MEF2A: variants seen among roughly 807,000 people sequenced by gnomAD.
The protein encoded by MEF2A is myocyte enhancer factor 2A, also known as myocyte-specific enhancer factor 2A.
In MEF2A, 28 loss-of-function variants were observed where a neutral mutation model predicts 55.8. That is an observed-to-expected ratio of 0.50 (90% CI 0.37 to 0.69). The LOEUF is 0.69. MEF2A is among the 30% of genes least tolerant of loss of function. The pLI, the probability that MEF2A is intolerant of heterozygous loss-of-function variation, is 0.00. For synonymous variants in MEF2A, 239 were observed against 227.1 expected (o/e 1.05, Z -0.47); for missense variants, 528 against 626.2 (o/e 0.84, Z 1.67).
In MEF2A at chr15:99,712,560, A is replaced by T; in HGVS notation, c.1307A>T (p.Gln436Leu). The change falls in exon 12 of 12, where the codon CAG becomes CTG. Residue 436 changes from glutamine to leucine, a missense_variant. Physicochemically the swap from Gln to Leu is moderately radical, Grantham distance 113. Around this residue, in one of 2 missense-constraint regions of MEF2A, gnomAD observed 450 missense variants for 475.3 expected, o/e 0.95. Transcript: ENST00000557942. This position sits in a 1 kb window ranked among gnomAD's most constrained non-coding sequence, Gnocchi z 4.1. The part of the protein sequence containing the change: ...QQQPPPPPQP[Q>L]PQPPQPQPRQ... ...CAGCCGCCGCCACCACCGCAGCCCCAGCCACAACCCCCGCAGCCCCAGCCC... is the reference window on the plus strand; with the variant it reads ...CAGCCGCCGCCACCACCGCAGCCCCTGCCACAACCCCCGCAGCCCCAGCCC... 1 of 1,548,222 alleles carries T rather than the reference A, an allele frequency of 6.5e-7. No individual in the cohort carries two copies. Among genetic ancestry groups the T allele is most frequent in the Non-Finnish European group, 8.7e-7 (1 of 1,145,312 alleles).
chr15:99,700,185 T>TACACACACACACACACACACAC (rs371094810), intron 8 of MEF2A, among the ~76,000 whole-genome samples: 1 of 100,394 alleles, frequency 1.0e-5, no homozygotes, highest in African/African-American at 3.5e-5. Flanking sequence ...TGTGTGTATA[T>TACACACACACACACACACACAC]ATACACACAC....
chr15:99,599,179 T>A (rs569945881), intron 2 of MEF2A, among the ~76,000 whole-genome samples: 1 of 152,222 alleles, frequency 6.6e-6, no homozygotes, highest in East Asian at 1.9e-4. Flanking sequence ...TTTTCATGAG[T>A]GAAACCTTAC....
intron 8 of MEF2A, among the ~76,000 whole-genome samples, chr15:99,699,195 T>C (rs544409582): frequency 5.0e-4 from 76 of 152,334 alleles, no homozygotes; most frequent in Non-Finnish European, 8.5e-4. Context: ...CTAGCCTAGA[T>C]GTCCTTCAAC....
chr15:99,705,004 C>T (rs1301794157), intron 9 of MEF2A, among the ~76,000 whole-genome samples: 1 of 152,158 alleles, frequency 6.6e-6, no homozygotes, highest in Non-Finnish European at 1.5e-5. Flanking sequence ...TTATTTAAAA[C>T]TTAATCAATT....
intron 2 of MEF2A, among the ~76,000 whole-genome samples, chr15:99,618,000 A>C (rs955151031): frequency 6.6e-6 from 1 of 152,238 alleles, no homozygotes; most frequent in Non-Finnish European, 1.5e-5. Context: ...TTAAAAAAGC[A>C]CAGAAAATCA....
At chr15:99,577,407 A>G (rs369964071) in intron 1 of MEF2A, among the ~76,000 whole-genome samples, 1 of 53,840 alleles carries the variant, frequency 1.9e-5, no homozygotes, top group Non-Finnish European at 6.6e-5. Flanking sequence ...TAGGTGCTGC[A>G]AGGCTTGGCT....
At chr15:99,590,633 T>G (rs1008537202) in intron 1 of MEF2A, among the ~76,000 whole-genome samples, 20 of 151,926 alleles carry the variant, frequency 1.3e-4, no homozygotes, top group African/African-American at 4.8e-4. Flanking sequence ...ATCTACTTTC[T>G]TGGTTGATTA....
intron 5 of MEF2A, among the ~76,000 whole-genome samples, chr15:99,672,746 C>G (rs888863813): frequency 6.6e-6 from 1 of 152,034 alleles, no homozygotes; most frequent in African/African-American, 2.4e-5. Context: ...GGATGGGACC[C>G]AAGTCTAAAC....
chr15:99,623,330 C>T (rs1356105600), intron 2 of MEF2A, among the ~76,000 whole-genome samples: 1 of 152,202 alleles, frequency 6.6e-6, no homozygotes, highest in Non-Finnish European at 1.5e-5. Flanking sequence ...GTTGCTTCCA[C>T]CTTTTGACTA....
intron 4 of MEF2A, among the ~76,000 whole-genome samples, chr15:99,652,687 T>A (rs1325188737): frequency 6.6e-6 from 1 of 152,216 alleles, no homozygotes; most frequent in Non-Finnish European, 1.5e-5. Flanking sequence ...CAGGTTTGGA[T>A]AGCCACTGAA....
intron 2 of MEF2A, among the ~76,000 whole-genome samples, chr15:99,629,160 C>T (rs755502668): frequency 1.3e-5 from 2 of 152,092 alleles, no homozygotes; most frequent in African/African-American, 4.8e-5. Flanking sequence ...GCTGGCTGAA[C>T]GCGGTGGCTC....
At chr15:99,683,862 C>A (rs1245211681) in intron 7 of MEF2A, among the ~76,000 whole-genome samples, 1 of 152,140 alleles carries the variant, frequency 6.6e-6, no homozygotes, top group African/African-American at 2.4e-5. Flanking sequence ...CACTCCCTCC[C>A]AGCCTTCCTC....
Position 99,714,024 on chromosome 15 carries a change from T to C in MEF2A, c.*1253T>C, listed in dbSNP as rs1048045743. On this transcript the variant is annotated 3_prime_UTR_variant, in exon 12 of 12. Transcript: ENST00000557942. ...CTATTTTGTTAAATATACTGTACTTTGGATTTTAATTATTAGCCCAGTTTT... is the reference window on the plus strand; with the variant it reads ...CTATTTTGTTAAATATACTGTACTTCGGATTTTAATTATTAGCCCAGTTTT... 5 of 152,238 alleles carry C rather than the reference T, an allele frequency of 3.3e-5. No individual in the cohort carries two copies. The highest frequency in any genetic ancestry group is 6.5e-5 in the Admixed American group (1 of 15,286). 9.4% of individuals were successfully genotyped at this position (152,238 alleles called of 1,614,324 possible).
chr15:99,681,024 A>G (rs1341188135), intron 7 of MEF2A, among the ~76,000 whole-genome samples: 1 of 152,146 alleles, frequency 6.6e-6, no homozygotes, highest in Non-Finnish European at 1.5e-5. Context: ...ATATTTCTCT[A>G]TGGGGAGTTT....
chr15:99,608,439 A>G (rs1178092524), intron 2 of MEF2A, among the ~76,000 whole-genome samples: 2 of 152,210 alleles, frequency 1.3e-5, no homozygotes, highest in Non-Finnish European at 1.5e-5. Context: ...GCATACAAAA[A>G]TATATAACTT....
intron 2 of MEF2A, among the ~76,000 whole-genome samples, chr15:99,620,065 C>T (rs576562958): frequency 6.0e-4 from 92 of 152,256 alleles, no homozygotes; most frequent in African/African-American, 2.2e-3. Context: ...TTTCGTACCA[C>T]GACAGTGGTG....
At chr15:99,566,716 C>G (rs1447198141) in intron 1 of MEF2A, 1 of 152,320 alleles carries the variant, frequency 6.6e-6, no homozygotes, top group Non-Finnish European at 1.5e-5. Context: ...GAAGTTCCCC[C>G]ACTTCTGCTT....
intron 5 of MEF2A, 104 bp downstream of exon 5, chr15:99,671,558 A>G (rs2050871453): frequency 1.2e-6 from 2 of 1,613,022 alleles, no homozygotes; most frequent in South Asian, 1.1e-5. Flanking sequence ...GCGACAGCCC[A>G]GACCCTGATA....
intron 8 of MEF2A, among the ~76,000 whole-genome samples, chr15:99,693,626 T>C (rs1241965680): frequency 6.6e-6 from 1 of 152,122 alleles, no homozygotes; most frequent in Non-Finnish European, 1.5e-5. Context: ...TTTTTAAAAA[T>C]TCCTCACCCC....
Sources: gnomAD v4.1 joint callset for allele counts (sites outside exome capture counted in the v4.1 genomes callset) on GRCh38, gnomAD v4.1.1 for gene constraint, gnomAD v4.1.1 regional missense constraint, Gnocchi (gnomAD v3.1) non-coding constraint, MANE v1.5 for transcripts, NCBI Gene and HGNC (gene_info 2026-07-23, HGNC 2026-07-21) for gene names.